The following ZDHHC14 variants were observed in gnomAD, a reference collection of about 807,000 sequenced individuals.
The protein encoded by ZDHHC14 is palmitoyltransferase ZDHHC14.
In ZDHHC14, 16 loss-of-function variants were observed where a neutral mutation model predicts 47.7. That is an observed-to-expected ratio of 0.34 (90% CI 0.23 to 0.51). The LOEUF (loss-of-function observed/expected upper bound fraction) is 0.51. Ranked by LOEUF, ZDHHC14 falls within the 20% of genes least tolerant of loss-of-function variation. ZDHHC14 has a pLI of 0.97. For synonymous variants in ZDHHC14, 293 were observed against 278.9 expected (o/e 1.05, Z -0.50); for missense variants, 515 against 662.5 (o/e 0.78, Z 2.44).
At chr6:157,559,850 T>A (rs921241456) in intron 2 of ZDHHC14, among the ~76,000 whole-genome samples, 1 of 152,098 alleles carries the variant, frequency 6.6e-6, no homozygotes, top group Non-Finnish European at 1.5e-5. Context: ...AGAACCAAAA[T>A]AATAAAATGA....
intron 2 of ZDHHC14, among the ~76,000 whole-genome samples, chr6:157,558,469 T>A (rs1173063660): frequency 6.6e-6 from 1 of 152,206 alleles, no homozygotes; most frequent in African/African-American, 2.4e-5. Flanking sequence ...GACACCCAGC[T>A]GTTACCAAGT....
At chr6:157,447,417 G>T (rs1021038303) in intron 1 of ZDHHC14, among the ~76,000 whole-genome samples, 1 of 152,232 alleles carries the variant, frequency 6.6e-6, no homozygotes, top group African/African-American at 2.4e-5. Flanking sequence ...TACGGAGGCT[G>T]CACAGGCTCT....
intron 1 of ZDHHC14, among the ~76,000 whole-genome samples, chr6:157,447,526 G>T (rs903478310): frequency 1.3e-5 from 2 of 152,180 alleles, no homozygotes; most frequent in Non-Finnish European, 2.9e-5. Context: ...AGGATGGGGC[G>T]ATTAGTGCTT....
At chr6:157,421,148 AT>A (rs1260078655) in intron 1 of ZDHHC14, among the ~76,000 whole-genome samples, 1 of 152,052 alleles carries the variant, frequency 6.6e-6, no homozygotes, top group Admixed American at 6.5e-5. Flanking sequence ...CCCAGAATTG[AT>A]ATCAAGTAGA....
At chr6:157,544,336 G>T (rs1467117749) in intron 2 of ZDHHC14, among the ~76,000 whole-genome samples, 1 of 152,212 alleles carries the variant, frequency 6.6e-6, no homozygotes, top group East Asian at 1.9e-4. Flanking sequence ...ATTAGGAACA[G>T]ACTTTCTGCC....
intron 1 of ZDHHC14, among the ~76,000 whole-genome samples, chr6:157,515,735 G>A (rs1445618818): frequency 3.3e-5 from 5 of 151,942 alleles, no homozygotes; most frequent in Admixed American, 6.6e-5. Flanking sequence ...AAAGTGCTGG[G>A]ATTACAGACG....
intron 4 of ZDHHC14, 30 bp downstream of exon 4, chr6:157,628,516 A>T: frequency 6.3e-7 from 1 of 1,592,032 alleles, no homozygotes; most frequent in African/African-American, 1.4e-5. Context: ...CAGATTACGT[A>T]TGTAACCATT....
At position 157,436,263 on chromosome 6, in the gene ZDHHC14, T is replaced by C. The variant is rs112183120; in HGVS notation, c.245+53997T>C. ...AAGATGCAAATGGAGATAATGAAGG[T>C]GCAAATGGAGATACGAGGTTGTTTG... On this transcript the variant is annotated intron_variant, in intron 1 of 8. Transcript: ENST00000359775. Among the ~76,000 whole-genome samples the C allele has an allele frequency of 1.2e-4, 18 of 152,214 alleles. 1 individual carries two copies. The highest frequency in any genetic ancestry group is 3.9e-4 in the African/African-American group (16 of 41,536).
chr6:157,609,582 G>A (rs540672391), intron 3 of ZDHHC14, among the ~76,000 whole-genome samples: 3 of 152,010 alleles, frequency 2.0e-5, no homozygotes, highest in Non-Finnish European at 4.4e-5. Context: ...GGTTGCTCGA[G>A]GGTCTTAAAT....
In ZDHHC14 at chr6:157,507,523, C is replaced by T. The variant is rs148916496; in HGVS notation, c.246-35062C>T. 1.8e-3 allele frequency among the ~76,000 whole-genome samples: 277 copies of T among 152,324 alleles called. 1 individual carries two copies. The highest frequency in any genetic ancestry group is 6.2e-3 in the African/African-American group (256 of 41,578). ...TCTCCAACTCCTGACCTCAAGTGAT[C>T]TGCCCACCTTGGCCTCCGAAAGTGC... On this transcript the variant is annotated intron_variant, in intron 1 of 8. Coordinates refer to ENST00000359775, the MANE Select transcript of ZDHHC14 (RefSeq NM_024630.3).
At chr6:157,500,355 G>A (rs1389803013) in intron 1 of ZDHHC14, among the ~76,000 whole-genome samples, 1 of 152,180 alleles carries the variant, frequency 6.6e-6, no homozygotes, top group African/African-American at 2.4e-5. Context: ...AGATCAGGTA[G>A]GGCCTTAAAG....
chr6:157,612,100 G>A (rs934528292), intron 3 of ZDHHC14, among the ~76,000 whole-genome samples: 16 of 152,132 alleles, frequency 1.1e-4, no homozygotes, highest in African/African-American at 3.6e-4. Context: ...GGGTCCTACC[G>A]ACTCCTTTCT....
rs544833312 is a variant in ZDHHC14, at chr6:157,640,547, G to C, written c.753-5190G>C. ...TGAGAGGGACCCCAGAAAGTAGGTA[G>C]GACAGGTGTCCTTAGGCTGCTTCCA... On this transcript the variant is annotated intron_variant, in intron 5 of 8. Transcript: ENST00000359775. Among the ~76,000 whole-genome samples the C allele has an allele frequency of 2.6e-5, 4 of 152,300 alleles. No homozygotes were observed. In the East Asian group the frequency reaches 7.7e-4, roughly 29 times the overall value.
At chr6:157,399,296 C>T (rs1777583837) in intron 1 of ZDHHC14, among the ~76,000 whole-genome samples, 2 of 152,302 alleles carry the variant, frequency 1.3e-5, no homozygotes, top group East Asian at 3.9e-4. Flanking sequence ...GATACGATAC[C>T]TGTAAGACAC....
At chr6:157,666,298 A>G (rs1029827262) in intron 8 of ZDHHC14, among the ~76,000 whole-genome samples, 1 of 152,224 alleles carries the variant, frequency 6.6e-6, no homozygotes, top group African/African-American at 2.4e-5. Flanking sequence ...TACTTAACCT[A>G]ACATTTTAAA....
intron 7 of ZDHHC14, among the ~76,000 whole-genome samples, chr6:157,647,871 A>C (rs1777639622): frequency 6.6e-6 from 1 of 152,208 alleles, no homozygotes; most frequent in African/African-American, 2.4e-5. Flanking sequence ...GCAGTAGCTG[A>C]CCTTTATTGA....
chr6:157,491,095 T>C, intron 1 of ZDHHC14, among the ~76,000 whole-genome samples: 1 of 152,184 alleles, frequency 6.6e-6, no homozygotes, highest in South Asian at 2.1e-4. Context: ...CTGCACCTCA[T>C]CCTCAATACC....
intron 1 of ZDHHC14, among the ~76,000 whole-genome samples, chr6:157,472,018 C>T (rs1779366517): frequency 6.6e-6 from 1 of 152,216 alleles, no homozygotes; most frequent in Admixed American, 6.5e-5. Flanking sequence ...CGGGTGTCCA[C>T]CTGCGCCTAG....
chr6:157,525,972 G>A (rs1225733167), intron 1 of ZDHHC14, among the ~76,000 whole-genome samples: 1 of 152,100 alleles, frequency 6.6e-6, no homozygotes, highest in Non-Finnish European at 1.5e-5. Context: ...ATTATTCTCT[G>A]AGCTTTGAAG....
Sources: allele counts gnomAD v4.1 joint callset (sites outside exome capture counted in the v4.1 genomes callset), GRCh38; gene constraint gnomAD v4.1.1; transcripts MANE v1.5; gene names NCBI Gene and HGNC (gene_info 2026-07-23, HGNC 2026-07-21).